The following USP38 variants were observed in gnomAD, a reference collection of about 807,000 sequenced individuals.
The protein encoded by USP38 is ubiquitin specific peptidase 38.
A neutral mutation model predicts 94.3 loss-of-function variants in USP38; 49 were observed. The observed-to-expected ratio is 0.52, with a 90% CI of 0.41 to 0.66. The LOEUF (loss-of-function observed/expected upper bound fraction) is 0.66. Ranked by LOEUF, USP38 falls within the 30% of genes least tolerant of loss-of-function variation. The probability of loss-of-function intolerance (pLI) is 0.00; values close to 1 mark genes in which losing one functional copy is unlikely to be tolerated. For missense variants in USP38, 1,128 were observed against 1,229.4 expected, an observed-to-expected ratio of 0.92 and a Z score of 1.23; for synonymous variants, 468 against 463.6, an observed-to-expected ratio of 1.01 and a Z score of -0.12.
chr4:143,187,306 A>G (rs1731259587), intron 1 of USP38, among the ~76,000 whole-genome samples: 2 of 152,278 alleles, frequency 1.3e-5, no homozygotes, highest in African/African-American at 4.8e-5. Flanking sequence ...AATAGTTTTA[A>G]GTTATTTTGG....
In USP38 at chr4:143,212,539, T is replaced by C. The variant is rs893365766; in HGVS notation, c.1604+115T>C. 7 of 544,624 alleles carry C rather than the reference T, an allele frequency of 1.3e-5. No homozygotes were observed. In the African/African-American group the frequency reaches 1.4e-4, roughly 11 times the overall value. The allele number at this position is 544,624 out of a possible 1,614,324, so 33.7% of individuals were successfully genotyped here. A position where few individuals can be genotyped will look rare whatever the true frequency, so the allele number is the denominator to read the frequency against. On this transcript the variant is annotated intron_variant, in intron 8 of 9. Transcript: ENST00000307017. ...TTTCAAATATTACTCTTTAAAATAC[T>C]ATTGCATTTCTTGTATGTTTTTTAT...
chr4:143,197,995 A>G, intron 4 of USP38, 71 bp downstream of exon 4: 1 of 1,064,386 alleles, frequency 9.4e-7, no homozygotes. Flanking sequence ...ATTGAGTCAC[A>G]TTTTTATGTA....
chr4:143,193,647 A>G (rs1276732268), intron 2 of USP38, among the ~76,000 whole-genome samples: 1 of 152,252 alleles, frequency 6.6e-6, no homozygotes, highest in African/African-American at 2.4e-5. Context: ...CTTGTAGTTA[A>G]CATGCATTTG....
At chr4:143,212,073 C>G (rs1459578874) in intron 7 of USP38, among the ~76,000 whole-genome samples, 1 of 152,098 alleles carries the variant, frequency 6.6e-6, no homozygotes, top group Admixed American at 6.6e-5. Flanking sequence ...CTGTATGACC[C>G]TGGGCAAGTC....
intron 6 of USP38, among the ~76,000 whole-genome samples, chr4:143,207,260 T>G (rs1182024803): frequency 2.6e-5 from 4 of 152,066 alleles, no homozygotes; most frequent in Non-Finnish European, 5.9e-5. Flanking sequence ...TCGAATTTGG[T>G]TGGGTGCCGT....
At position 143,223,033 on chromosome 4, in the gene USP38, A is replaced by G. The variant is rs1249439311; in HGVS notation, c.*2577A>G. On this transcript the variant is annotated 3_prime_UTR_variant, in exon 10 of 10. Coordinates refer to ENST00000307017, the MANE Select transcript of USP38 (RefSeq NM_032557.6). ...ACTGCTAGCAAAAATGAAAAACTAC[A>G]AATCTGAGTCTTTCTTTCAAAGATG... 1.3e-5 allele frequency: 2 copies of G among 152,264 alleles called. No individual in the cohort carries two copies. The highest frequency in any genetic ancestry group is 3.9e-4 in the East Asian group (2 of 5,190). The allele number at this position is 152,264 out of a possible 1,614,324, so 9.4% of individuals were successfully genotyped here. A position where few individuals can be genotyped will look rare whatever the true frequency, so the allele number is the denominator to read the frequency against.
intron 2 of USP38, among the ~76,000 whole-genome samples, chr4:143,192,736 T>G (rs926290046): frequency 6.6e-6 from 1 of 151,950 alleles, no homozygotes; most frequent in Non-Finnish European, 1.5e-5. Context: ...GCCAACACAC[T>G]GGGGATTAGA....
At chr4:143,196,401 C>T (rs990361501) in intron 3 of USP38, among the ~76,000 whole-genome samples, 6 of 152,188 alleles carry the variant, frequency 3.9e-5, no homozygotes, top group Non-Finnish European at 8.8e-5. Flanking sequence ...GCTAATCAAG[C>T]TTTTACCACC....
intron 4 of USP38, among the ~76,000 whole-genome samples, chr4:143,200,562 A>G (rs903509161): frequency 6.6e-6 from 1 of 152,272 alleles, no homozygotes; most frequent in Admixed American, 6.5e-5. Context: ...GCAATAGGTG[A>G]CATCCATATA....
At chr4:143,211,138 GAA>G (rs935837717) in intron 7 of USP38, among the ~76,000 whole-genome samples, 19 of 151,454 alleles carry the variant, frequency 1.3e-4, no homozygotes, top group African/African-American at 4.6e-4. Context: ...GAGCTATTAG[GAA>G]AAAAAATCTT....
Position 143,220,389 on chromosome 4 carries a change from G to A in USP38, c.3062G>A (p.Gly1021Glu). ...PNGFDDNDPP[G>E]SCGPTGGGGG... ...GGATTTGATGACAACGACCCACCAG[G>A]AAGCTGTGGACCAACTGGTGGAGGG... is the stretch of plus-strand genomic sequence containing the variant. The change falls in exon 10 of 10, where the codon GGA (glycine) becomes GAA (glutamate). Residue 1021 changes from glycine to glutamate, a missense_variant. By Grantham distance (98) the Gly-to-Glu change is moderately conservative. Transcript: ENST00000307017. The A allele has an allele frequency of 6.2e-7, 1 of 1,613,442 alleles. No homozygotes were observed. The highest frequency in any genetic ancestry group is 1.1e-5 in the South Asian group (1 of 91,052).
At chr4:143,207,560 A>G (rs1483584426) in intron 6 of USP38, among the ~76,000 whole-genome samples, 1 of 152,024 alleles carries the variant, frequency 6.6e-6, no homozygotes, top group Non-Finnish European at 1.5e-5. Context: ...AGAGAGAGAG[A>G]GAAGAATTTG....
At chr4:143,204,846 G>C (rs1731816264) in intron 5 of USP38, among the ~76,000 whole-genome samples, 1 of 152,044 alleles carries the variant, frequency 6.6e-6, no homozygotes, top group African/African-American at 2.4e-5. Context: ...GTTTTTTTGA[G>C]ATCTGAATTT....
Position 143,185,679 on chromosome 4 carries a change from G to C in USP38, c.229G>C (p.Glu77Gln), listed in dbSNP as rs747025057. Reference protein sequence around the residue: ...AYARYHRPEFESFFNKTFVLG... With the variant: ...AYARYHRPEFQSFFNKTFVLG... ...CGCACGATACCACCGGCCAGAGTTC[G>C]AGTCCTTCTTCAACAAGACCTTCGT... Residue 77 changes from glutamate to glutamine, a missense_variant, in exon 1 of 10, where the codon GAG becomes CAG. Glu to Gln is a conservative substitution (Grantham distance 29). Transcript: ENST00000307017. 4 of 1,614,034 alleles carry C rather than the reference G, an allele frequency of 2.5e-6. No homozygotes were observed. The South Asian group carries it at 4.4e-5, about 18-fold the overall frequency.
At chr4:143,187,096 T>C (rs1467067330) in intron 1 of USP38, among the ~76,000 whole-genome samples, 1 of 152,204 alleles carries the variant, frequency 6.6e-6, no homozygotes, top group African/African-American at 2.4e-5. Flanking sequence ...TGTTTTTTTT[T>C]CTTATTGTAA....
chr4:143,213,793 C>T lies in USP38; in HGVS notation c.1817C>T (p.Thr606Ile). 1 of 1,613,746 alleles carries T rather than the reference C, an allele frequency of 6.2e-7. No homozygotes were observed. The highest frequency in any genetic ancestry group is 1.1e-5 in the South Asian group (1 of 91,066). Reference protein sequence around the residue: ...THIRCLNCRSTSQKVEAFTDL... With the variant: ...THIRCLNCRSISQKVEAFTDL... ...ATACGTTGTTTGAACTGCAGGAGTA[C>T]CTCACAAAAAGTGGAAGCCTTTACA... Residue 606 changes from threonine (T) to isoleucine (I), a missense_variant, in exon 9 of 10, where the codon ACC (threonine) becomes ATC (isoleucine). Physicochemically the swap from Thr to Ile is moderately conservative, Grantham distance 89. Coordinates refer to ENST00000307017, the MANE Select transcript of USP38 (RefSeq NM_032557.6).
chr4:143,216,727 C>T (rs1038862512), intron 9 of USP38, among the ~76,000 whole-genome samples: 3 of 152,086 alleles, frequency 2.0e-5, no homozygotes, highest in Non-Finnish European at 2.9e-5. Flanking sequence ...CCTCCCTCCT[C>T]GGCCTCCCAA....
chr4:143,197,029 G>C (rs556379208), intron 3 of USP38, among the ~76,000 whole-genome samples: 1 of 152,060 alleles, frequency 6.6e-6, no homozygotes, highest in East Asian at 1.9e-4. Context: ...CCTGTCCTTG[G>C]TCCCCTGTAC....
intron 2 of USP38, among the ~76,000 whole-genome samples, chr4:143,189,974 G>A (rs558119329): frequency 2.6e-5 from 4 of 151,678 alleles, no homozygotes; most frequent in Non-Finnish European, 5.9e-5. Flanking sequence ...GTTCTGATCT[G>A]TATGTAGTTG....
Sources: gnomAD v4.1 joint callset for allele counts (sites outside exome capture counted in the v4.1 genomes callset) on GRCh38, gnomAD v4.1.1 for gene constraint, MANE v1.5 for transcripts, NCBI Gene and HGNC (gene_info 2026-07-23, HGNC 2026-07-21) for gene names.